The following CCDC77 variants were observed in gnomAD, a reference collection of about 807,000 sequenced individuals.
CCDC77 encodes coiled-coil domain containing 77, also known as coiled-coil domain-containing protein 77.
In CCDC77, 56 loss-of-function variants were observed where a neutral mutation model predicts 66.8. The ratio of observed to expected loss-of-function variants is 0.84; its 90% confidence interval spans 0.68 to 1.05. The LOEUF is 1.05. CCDC77 is among the 50% of genes least tolerant of loss of function. The probability of loss-of-function intolerance (pLI) is 0.00; values close to 1 mark genes in which losing one functional copy is unlikely to be tolerated. For missense variants in CCDC77, 570 were observed against 576.8 expected, an observed-to-expected ratio of 0.99 and a Z score of 0.12; for synonymous variants, 196 against 195.2, an observed-to-expected ratio of 1.00 and a Z score of -0.03.
chr12:404,510 G>A (rs1401160126), intron 1 of CCDC77, among the ~76,000 whole-genome samples: 1 of 152,152 alleles, frequency 6.6e-6, no homozygotes, highest in Non-Finnish European at 1.5e-5. Flanking sequence ...GCTCATGCCT[G>A]TAATCTCAGC....
At chr12:423,834 G>A (rs934471641) in intron 5 of CCDC77, among the ~76,000 whole-genome samples, 1 of 152,076 alleles carries the variant, frequency 6.6e-6, no homozygotes, top group Non-Finnish European at 1.5e-5. Context: ...GTCTTAATGG[G>A]TGTGAGGGAG....
At chr12:416,377 GTA>G (rs1167006549) in intron 4 of CCDC77, among the ~76,000 whole-genome samples, 235 of 20,540 alleles carry the variant, frequency 0.011, 2 homozygotes, top group Middle Eastern at 0.028. Flanking sequence ...GTGTGTGTGT[GTA>G]TATATATATA....
In CCDC77 at chr12:439,678, G is replaced by A. The variant is rs150208943; in HGVS notation, c.1042-939G>A. Among the ~76,000 whole-genome samples, 555 of 152,024 alleles carry A rather than the reference G, an allele frequency of 3.7e-3. 4 individuals are homozygous for A. The highest frequency in any genetic ancestry group is 0.013 in the African/African-American group (530 of 41,448). ...ACCTGTAATCCCAGCTACTTGAGAG[G>A]CTGAGGCAGGAGAATTGCTTGAACC... On this transcript the variant is annotated intron_variant, in intron 10 of 12. Coordinates refer to ENST00000239830, the MANE Select transcript of CCDC77 (RefSeq NM_032358.4).
chr12:438,326 C>G lies in CCDC77; in HGVS notation c.822-9C>G, dbSNP rs1255022546. ...ATCCTCATGTCTGCATTTATACTTT[C>G]TTTCCTAGTCTTCACCACACCCAAG... On this transcript the variant is annotated splice_polypyrimidine_tract_variant and intron_variant, in intron 9 of 12. Transcript: ENST00000239830. 1.4e-5 allele frequency: 23 copies of G among 1,598,092 alleles called. No individual in the cohort carries two copies. Among genetic ancestry groups the G allele is most frequent in the Non-Finnish European group, 2.0e-5 (23 of 1,169,432 alleles).
chr12:394,798 C>T (rs1944805361), intron 1 of CCDC77, among the ~76,000 whole-genome samples: 1 of 152,148 alleles, frequency 6.6e-6, no homozygotes, highest in Non-Finnish European at 1.5e-5. Context: ...TGGGGGGAGG[C>T]AGCACACCTG....
intron 1 of CCDC77, among the ~76,000 whole-genome samples, chr12:403,558 A>G (rs1944935720): frequency 1.3e-5 from 2 of 152,316 alleles, no homozygotes; most frequent in South Asian, 2.1e-4. Context: ...CAGTGGGGCA[A>G]TCTCAGCTCA....
At chr12:434,271 A>C (rs73590307) in intron 9 of CCDC77, among the ~76,000 whole-genome samples, 1 of 151,850 alleles carries the variant, frequency 6.6e-6, no homozygotes, top group African/African-American at 2.4e-5. Flanking sequence ...ACCTGTCTGC[A>C]GTCTGACTTC....
In CCDC77 at chr12:408,130, A is replaced by G. The variant is rs578213502; in HGVS notation, c.-16-1238A>G. Reference sequence around the variant, plus strand: ...AATAGATTATACCAGGTAGAAGGACATAACAGAACATCATCTGACTTGCTC... The same window carrying G: ...AATAGATTATACCAGGTAGAAGGACGTAACAGAACATCATCTGACTTGCTC... On this transcript the variant is annotated intron_variant, in intron 2 of 12. Transcript: ENST00000239830. 5.1e-4 allele frequency among the ~76,000 whole-genome samples: 78 copies of G among 152,308 alleles called. 1 individual carries two copies. The highest frequency in any genetic ancestry group is 6.8e-3 in the Middle Eastern group (2 of 294).
chr12:416,340 TGG>T (rs146269284), intron 4 of CCDC77, among the ~76,000 whole-genome samples: 9,094 of 48,344 alleles, frequency 0.19, 1,875 homozygotes, highest in African/African-American at 0.37. Flanking sequence ...TGTGGGTGTG[TGG>T]GGGTGTGTGT....
intron 1 of CCDC77, among the ~76,000 whole-genome samples, chr12:405,310 A>G (rs527582402): frequency 5.0e-4 from 76 of 152,346 alleles, no homozygotes; most frequent in Non-Finnish European, 8.8e-4. Flanking sequence ...TGAAGGACAC[A>G]GGGTTTTTTT....
chr12:431,712 C>T (rs1050901435), intron 7 of CCDC77, among the ~76,000 whole-genome samples, 154 bp from the exon 8 acceptor site: 1 of 152,074 alleles, frequency 6.6e-6, no homozygotes, highest in Non-Finnish European at 1.5e-5. Flanking sequence ...TGATGTTTCC[C>T]TTTGTCTTCC....
At chr12:427,221 G>A (rs1050665905) in intron 5 of CCDC77, among the ~76,000 whole-genome samples, 6 of 151,528 alleles carry the variant, frequency 4.0e-5, no homozygotes, top group African/African-American at 1.5e-4. Context: ...CTCCAGCCTG[G>A]GCGACAGAGC....
At chr12:416,157 T>C (rs1377984252) in intron 4 of CCDC77, among the ~76,000 whole-genome samples, 1 of 151,072 alleles carries the variant, frequency 6.6e-6, no homozygotes, top group Non-Finnish European at 1.5e-5. Flanking sequence ...TCTAGGATGG[T>C]CTTGAACTCC....
intron 1 of CCDC77, among the ~76,000 whole-genome samples, chr12:393,659 G>A (rs553640715): frequency 6.6e-6 from 1 of 152,084 alleles, no homozygotes; most frequent in South Asian, 2.1e-4. Context: ...AGCCTCCTGA[G>A]TAGCTGCGAT....
chr12:409,716 C>G (rs957110126), intron 3 of CCDC77: 32 of 283,038 alleles, frequency 1.1e-4, no homozygotes, highest in African/African-American at 7.0e-4. Flanking sequence ...GAAATGTTGG[C>G]CGGGCACGGT....
intron 4 of CCDC77, among the ~76,000 whole-genome samples, chr12:416,038 A>G (rs976956379): frequency 5.9e-5 from 9 of 151,470 alleles, no homozygotes; most frequent in African/African-American, 2.2e-4. Context: ...ACGCCTGACC[A>G]CAGATGACCC....
intron 10 of CCDC77, among the ~76,000 whole-genome samples, chr12:438,852 A>G (rs1206706112): frequency 1.3e-5 from 2 of 151,080 alleles, no homozygotes; most frequent in Non-Finnish European, 2.9e-5. Flanking sequence ...GCAAATCGTG[A>G]GGTCAGGAGT....
intron 1 of CCDC77, among the ~76,000 whole-genome samples, chr12:404,626 A>G (rs1944957750): frequency 6.6e-6 from 1 of 152,154 alleles, no homozygotes; most frequent in Admixed American, 6.5e-5. Context: ...GAGTGTAGAC[A>G]ACTTTTCGTA....
intron 12 of CCDC77, 64 bp from the exon 13 acceptor site, chr12:441,710 T>C: frequency 6.5e-7 from 1 of 1,547,586 alleles, no homozygotes; most frequent in East Asian, 2.2e-5. Flanking sequence ...TCTTTTTGAC[T>C]GATATCGCTC....
Sources: gnomAD v4.1 joint callset for allele counts (sites outside exome capture counted in the v4.1 genomes callset) on GRCh38, gnomAD v4.1.1 for gene constraint, MANE v1.5 for transcripts, NCBI Gene and HGNC (gene_info 2026-07-23, HGNC 2026-07-21) for gene names.